Variants in NUDT3 observed in about 807,000 individuals in gnomAD.
NUDT3 encodes the protein nudix hydrolase 3, also known as diphosphoinositol polyphosphate phosphohydrolase 1.
NUDT3 carries 9 observed loss-of-function variants against 23.6 expected under a neutral mutation model. That is an observed-to-expected ratio of 0.38 (90% CI 0.23 to 0.66). The LOEUF is 0.66. Ranked by LOEUF, NUDT3 falls within the 30% of genes least tolerant of loss-of-function variation. The probability of loss-of-function intolerance (pLI) is 0.52; values close to 1 mark genes in which losing one functional copy is unlikely to be tolerated. For synonymous variants in NUDT3, 86 were observed against 82.6 expected (o/e 1.04, Z -0.22); for missense variants, 172 against 218.5 (o/e 0.79, Z 1.34).
At position 34,290,529 on chromosome 6, in the gene NUDT3, C is replaced by T. The variant is rs554843790; in HGVS notation, c.341-1598G>A. Among the ~76,000 whole-genome samples the T allele has an allele frequency of 6.0e-5, 9 of 150,118 alleles. No homozygotes were observed. The South Asian group carries it at 1.9e-3, about 32-fold the overall frequency. ...GAGCCACCACACCTGTCCTATGTCACACTATTTCTTAAGCAATCTATATTA... is the reference window on the plus strand; with the variant it reads ...GAGCCACCACACCTGTCCTATGTCATACTATTTCTTAAGCAATCTATATTA... On this transcript the variant is annotated intron_variant, in intron 4 of 4. Transcript: ENST00000607016.
chr6:34,346,665 T>C (rs562990751), intron 1 of NUDT3, among the ~76,000 whole-genome samples: 7 of 152,140 alleles, frequency 4.6e-5, no homozygotes, highest in African/African-American at 1.7e-4. Flanking sequence ...TAGCCACACT[T>C]CAAAGCAAAC....
At chr6:34,354,735 G>GTGTATATATATA (rs569874972) in intron 1 of NUDT3, among the ~76,000 whole-genome samples, 3 of 120,694 alleles carry the variant, frequency 2.5e-5, no homozygotes, top group African/African-American at 8.7e-5. Flanking sequence ...GGGGGAAAAA[G>GTGTATATATATA]TATATATATA....
intron 2 of NUDT3, among the ~76,000 whole-genome samples, chr6:34,297,730 AATATATATAT>A (rs139306311): frequency 1.4e-5 from 1 of 72,008 alleles, no homozygotes; most frequent in Non-Finnish European, 2.3e-5. Flanking sequence ...AAAAAAAAAA[AATATATATAT>A]ATATATATAT....
intron 1 of NUDT3, among the ~76,000 whole-genome samples, chr6:34,351,717 T>C (rs1188866986): frequency 8.2e-6 from 1 of 121,830 alleles, no homozygotes; most frequent in African/African-American, 3.4e-5. Context: ...TTCCAGCCTG[T>C]GCGACAAGAG....
chr6:34,373,172 G>A (rs1010705047), intron 1 of NUDT3, among the ~76,000 whole-genome samples: 10 of 151,246 alleles, frequency 6.6e-5, no homozygotes, highest in East Asian at 2.0e-4. Context: ...CCAGCTTCTC[G>A]AGAGGCTGAG....
At chr6:34,298,360 A>G (rs1000201293) in intron 2 of NUDT3, among the ~76,000 whole-genome samples, 1 of 152,142 alleles carries the variant, frequency 6.6e-6, no homozygotes, top group African/African-American at 2.4e-5. Context: ...ATCTTGTCTC[A>G]AAAAAACAAA....
intron 2 of NUDT3, among the ~76,000 whole-genome samples, chr6:34,311,504 C>A (rs960338757): frequency 2.6e-5 from 4 of 152,084 alleles, no homozygotes; most frequent in African/African-American, 9.7e-5. Context: ...TCAGTTCTTC[C>A]CAACTTGATT....
At chr6:34,320,706 T>G (rs1365755308) in intron 2 of NUDT3, among the ~76,000 whole-genome samples, 6 of 151,990 alleles carry the variant, frequency 3.9e-5, no homozygotes, top group Non-Finnish European at 7.4e-5. Context: ...CGTGGTGGCA[T>G]GCACTTGTGG....
chr6:34,306,846 A>T (rs931572846), intron 2 of NUDT3, among the ~76,000 whole-genome samples: 3 of 152,268 alleles, frequency 2.0e-5, no homozygotes, highest in African/African-American at 4.8e-5. Context: ...AATTTAGAGT[A>T]GTTATTTGTA....
chr6:34,373,017 C>T (rs1341256439), intron 1 of NUDT3, among the ~76,000 whole-genome samples: 1 of 151,860 alleles, frequency 6.6e-6, no homozygotes, highest in Non-Finnish European at 1.5e-5. Flanking sequence ...CGGTGGCTCA[C>T]ACCTGTAATT....
At chr6:34,354,835 G>T (rs1003242855) in intron 1 of NUDT3, among the ~76,000 whole-genome samples, 4 of 144,822 alleles carry the variant, frequency 2.8e-5, no homozygotes, top group African/African-American at 1.0e-4. Flanking sequence ...TTTTATATTT[G>T]TATACTTATA....
At chr6:34,355,113 G>A (rs557269478) in intron 1 of NUDT3, among the ~76,000 whole-genome samples, 6 of 152,070 alleles carry the variant, frequency 3.9e-5, no homozygotes, top group Non-Finnish European at 8.8e-5. Context: ...CCAGTATTAG[G>A]AGGAATGTAT....
At chr6:34,323,784 TAGA>T (rs1274329424) in intron 2 of NUDT3, among the ~76,000 whole-genome samples, 1 of 152,244 alleles carries the variant, frequency 6.6e-6, no homozygotes, top group Non-Finnish European at 1.5e-5. Context: ...ATGTTGTATT[TAGA>T]AGAAGGTATA....
At chr6:34,326,838 T>C (rs537755728) in intron 2 of NUDT3, among the ~76,000 whole-genome samples, 1 of 152,176 alleles carries the variant, frequency 6.6e-6, no homozygotes, top group Non-Finnish European at 1.5e-5. Flanking sequence ...TAACCTCAGG[T>C]GATCCACCCG....
At chr6:34,295,712 C>T in intron 2 of NUDT3, 27 bp from the exon 3 acceptor site, 3 of 1,612,774 alleles carry the variant, frequency 1.9e-6, no homozygotes, top group Non-Finnish European at 2.5e-6. Flanking sequence ...ACAATTAATG[C>T]ACTGATAGTA....
At chr6:34,339,182 C>T (rs1362775325) in intron 2 of NUDT3, among the ~76,000 whole-genome samples, 1 of 152,198 alleles carries the variant, frequency 6.6e-6, no homozygotes, top group East Asian at 1.9e-4. Context: ...TCAGAACACG[C>T]CCTCCTTGTG....
intron 1 of NUDT3, among the ~76,000 whole-genome samples, chr6:34,377,754 C>T (rs1437929841): frequency 6.6e-6 from 1 of 150,954 alleles, no homozygotes; most frequent in Non-Finnish European, 1.5e-5. Context: ...AATCGCTTGA[C>T]CCTGGGAGGC....
chr6:34,298,504 C>A, intron 2 of NUDT3, among the ~76,000 whole-genome samples: 1 of 149,728 alleles, frequency 6.7e-6, no homozygotes, highest in East Asian at 1.9e-4. Context: ...GAAATAGACA[C>A]AAATGTGTAA....
intron 1 of NUDT3, among the ~76,000 whole-genome samples, chr6:34,363,674 G>A (rs1248871497): frequency 6.6e-6 from 1 of 152,130 alleles, no homozygotes; most frequent in Non-Finnish European, 1.5e-5. Flanking sequence ...CAACATTAAG[G>A]AGCCAGCCTT....
Sources: gnomAD v4.1 joint callset for allele counts (sites outside exome capture counted in the v4.1 genomes callset) on GRCh38, gnomAD v4.1.1 for gene constraint, MANE v1.5 for transcripts, NCBI Gene and HGNC (gene_info 2026-07-23, HGNC 2026-07-21) for gene names.